The following CLDN16 variants were observed in gnomAD, a reference collection of about 807,000 sequenced individuals.
The protein encoded by CLDN16 is claudin-16.
Under a neutral mutation model 24.6 loss-of-function variants are expected in CLDN16, and 13 were observed. The observed-to-expected ratio is 0.53, with a 90% CI of 0.34 to 0.84. CLDN16 has a LOEUF of 0.84. CLDN16 is among the 40% of genes least tolerant of loss of function. The probability of loss-of-function intolerance (pLI) is 0.01; values close to 1 mark genes in which losing one functional copy is unlikely to be tolerated. For synonymous variants in CLDN16, 116 were observed against 106.7 expected (o/e 1.09, Z -0.54); for missense variants, 298 against 292.7 (o/e 1.02, Z -0.13).
At chr3:190,328,562 G>A (rs758666972) in intron 1 of CLDN16, among the ~76,000 whole-genome samples, 2 of 152,052 alleles carry the variant, frequency 1.3e-5, no homozygotes, top group African/African-American at 4.8e-5. Context: ...GAGAACCTGG[G>A]TAAGTATTCC....
Position 190,343,249 on chromosome 3 carries a change from A to G in CLDN16, n.121+20588A>G, listed in dbSNP as rs144165474. Among the ~76,000 whole-genome samples, 380 of 152,226 alleles carry G rather than the reference A, an allele frequency of 2.5e-3. 2 individuals are homozygous for G. Among genetic ancestry groups the G allele is most frequent in the African/African-American group, 7.7e-3 (320 of 41,550 alleles). ...TAATCAGGAAAATAGATCATAAGCAACTATAAGATACCACCTCACGCCTGT... is the reference window on the plus strand; with the variant it reads ...TAATCAGGAAAATAGATCATAAGCAGCTATAAGATACCACCTCACGCCTGT... On this transcript the variant is annotated intron_variant and non_coding_transcript_variant, in intron 1 of 4. Coordinates refer to the CLDN16 transcript ENST00000468220.
the CLDN16 span, among the ~76,000 whole-genome samples, chr3:190,317,331 A>C: frequency 6.6e-6 from 1 of 152,178 alleles, no homozygotes; most frequent in South Asian, 2.1e-4. Flanking sequence ...GCAGTCTTTT[A>C]ATTATATTTA....
At chr3:190,368,512 A>G (rs1198604675) in intron 1 of CLDN16, among the ~76,000 whole-genome samples, 1 of 152,028 alleles carries the variant, frequency 6.6e-6, no homozygotes, top group Non-Finnish European at 1.5e-5. Flanking sequence ...AATTTGTTAC[A>G]CAGTAGTAGA....
At chr3:190,359,764 G>C (rs548836838) in intron 1 of CLDN16, among the ~76,000 whole-genome samples, 7 of 152,096 alleles carry the variant, frequency 4.6e-5, no homozygotes, top group Non-Finnish European at 1.0e-4. Context: ...TCCCAAAGCA[G>C]AGAAAATGGT....
intron 1 of CLDN16, among the ~76,000 whole-genome samples, chr3:190,360,476 A>C (rs1233978061): frequency 6.6e-6 from 1 of 151,984 alleles, no homozygotes; most frequent in East Asian, 1.9e-4. Context: ...AAAATAAGAG[A>C]TAATAAGAAA....
intron 1 of CLDN16, among the ~76,000 whole-genome samples, chr3:190,363,554 G>GCA (rs10663299): frequency 0.1 from 8,389 of 80,900 alleles, 1,274 homozygotes; most frequent in East Asian, 0.14. Flanking sequence ...GTGTGTGTGT[G>GCA]TGTATATATA....
intron 1 of CLDN16, among the ~76,000 whole-genome samples, chr3:190,368,639 G>GTA (rs1718072142): frequency 6.6e-6 from 1 of 151,960 alleles, no homozygotes; most frequent in South Asian, 2.1e-4. Context: ...GACTTTCAGG[G>GTA]TTTTGAAGGA....
chr3:190,397,050 A>G (rs1319118037), intron 1 of CLDN16, among the ~76,000 whole-genome samples: 2 of 152,152 alleles, frequency 1.3e-5, no homozygotes, highest in African/African-American at 4.8e-5. Context: ...TTGCTTTGTG[A>G]GACTGGTGAG....
chr3:190,375,044 T>C (rs1187901319), intron 3 of CLDN16, among the ~76,000 whole-genome samples: 1 of 151,946 alleles, frequency 6.6e-6, no homozygotes, highest in Non-Finnish European at 1.5e-5. Flanking sequence ...CTTTTAAAGG[T>C]ACCTTGTGTG....
At chr3:190,346,177 A>G (rs1171211870) in intron 1 of CLDN16, among the ~76,000 whole-genome samples, 1 of 152,150 alleles carries the variant, frequency 6.6e-6, no homozygotes, top group African/African-American at 2.4e-5. Context: ...AACAGAAAAG[A>G]AAGTGTTTTA....
At chr3:190,401,907 T>C (rs1718972406) in intron 1 of CLDN16, among the ~76,000 whole-genome samples, 1 of 152,142 alleles carries the variant, frequency 6.6e-6, no homozygotes, top group South Asian at 2.1e-4. Context: ...AGAAACAATA[T>C]ATATTTTTAA....
chr3:190,404,068 C>T (rs746258231), intron 2 of CLDN16, among the ~76,000 whole-genome samples: 2 of 152,028 alleles, frequency 1.3e-5, no homozygotes, highest in Non-Finnish European at 2.9e-5. Context: ...AACCTATTAA[C>T]ATATGGGGGT....
At chr3:190,343,695 T>A (rs76390482) in intron 1 of CLDN16, among the ~76,000 whole-genome samples, 10,449 of 152,076 alleles carry the variant, frequency 0.069, 553 homozygotes, top group African/African-American at 0.14. Flanking sequence ...GTGAAGTAAG[T>A]CAGACACAGA....
At chr3:190,321,157 C>G (rs991802854), upstream of CLDN16, among the ~76,000 whole-genome samples, 4 of 152,164 alleles carry the variant, frequency 2.6e-5, no homozygotes, top group Non-Finnish European at 5.9e-5. Context: ...CCCAGCTGAC[C>G]TCTGATTTCA....
the CLDN16 span, chr3:190,308,368 A>C: frequency 6.2e-7 from 1 of 1,613,920 alleles, no homozygotes; most frequent in Non-Finnish European, 8.5e-7. Context: ...GGAACAGCAA[A>C]GTAGGGCACC....
Position 190,388,321 on chromosome 3 carries a change from C to A in CLDN16, c.-9C>A. On this transcript the variant is annotated 5_prime_UTR_variant, in exon 1 of 5. The change creates a premature stop within an existing upstream ORF in the 5' untranslated region. Transcript: ENST00000264734. Reference sequence around the variant, plus strand: ...CCCATGTTGCCATCCTGATGGGCTGCTTGCCACAATGAGGGATCTTCTTCA... The same window carrying A: ...CCCATGTTGCCATCCTGATGGGCTGATTGCCACAATGAGGGATCTTCTTCA... 1.9e-6 allele frequency: 3 copies of A among 1,614,120 alleles called. No homozygotes were observed. Among genetic ancestry groups the A allele is most frequent in the Non-Finnish European group, 2.5e-6 (3 of 1,180,010 alleles).
intron 1 of CLDN16, among the ~76,000 whole-genome samples, chr3:190,350,343 G>GTT (rs1358177083): frequency 8.2e-5 from 8 of 97,334 alleles, no homozygotes; most frequent in Non-Finnish European, 1.6e-4. Context: ...AGTTCATAAT[G>GTT]TTATATATAT....
At chr3:190,329,247 G>C (rs1157631353) in intron 1 of CLDN16, among the ~76,000 whole-genome samples, 1 of 152,100 alleles carries the variant, frequency 6.6e-6, no homozygotes, top group African/African-American at 2.4e-5. Context: ...AGAGAGATGA[G>C]TGCACCCACC....
At position 190,329,950 on chromosome 3, in the gene CLDN16, A is replaced by G. The variant is rs182730737; in HGVS notation, n.121+7289A>G. On this transcript the variant is annotated intron_variant and non_coding_transcript_variant, in intron 1 of 4. Transcript: ENST00000468220. ...GAAAAGAAACAGTTGAAAAAGTATG[A>G]TGGGGTTGGATTCTTAGTGTACTAG... Among the ~76,000 whole-genome samples, 132 of 152,182 alleles carry G rather than the reference A, an allele frequency of 8.7e-4. 1 individual carries two copies. Among genetic ancestry groups the G allele is most frequent in the South Asian group, 8.1e-3 (39 of 4,820 alleles).
Sources: allele counts gnomAD v4.1 joint callset (sites outside exome capture counted in the v4.1 genomes callset), GRCh38; gene constraint gnomAD v4.1.1; transcripts MANE v1.5; gene names NCBI Gene and HGNC (gene_info 2026-07-23, HGNC 2026-07-21).